The following SARDH variants were observed in gnomAD, a reference collection of about 807,000 sequenced individuals.
The protein encoded by SARDH is sarcosine dehydrogenase, mitochondrial.
A neutral mutation model predicts 109.1 loss-of-function variants in SARDH; 95 were observed. The observed-to-expected ratio is 0.87, with a 90% CI of 0.74 to 1.03. The LOEUF (loss-of-function observed/expected upper bound fraction) is 1.03. Ranked by LOEUF, SARDH falls within the 50% of genes least tolerant of loss-of-function variation. The pLI is 0.00. For synonymous variants in SARDH, 572 were observed against 534.8 expected (o/e 1.07, Z -0.96); for missense variants, 1,267 against 1,287.8 (o/e 0.98, Z 0.25).
At chr9:133,713,201 G>T in intron 8 of SARDH, 77 bp from the exon 9 acceptor site, 1 of 1,332,926 alleles carries the variant, frequency 7.5e-7, no homozygotes, top group Non-Finnish European at 1.1e-6. Context: ...CAAGAGAGCA[G>T]TGATCAGGCA....
chr9:133,688,682 C>T (rs1461169177), intron 16 of SARDH, among the ~76,000 whole-genome samples: 2 of 152,252 alleles, frequency 1.3e-5, no homozygotes, highest in South Asian at 2.1e-4. Flanking sequence ...AGCCTCAATG[C>T]GTGCCTCAGA....
chr9:133,661,353 C>G (rs894350310), downstream of SARDH, among the ~76,000 whole-genome samples: 3 of 149,900 alleles, frequency 2.0e-5, no homozygotes, highest in African/African-American at 7.5e-5. Flanking sequence ...AAAAAAACAA[C>G]AACAACAAAA....
At chr9:133,673,303 A>C (rs866565671) in intron 17 of SARDH, among the ~76,000 whole-genome samples, 2 of 152,168 alleles carry the variant, frequency 1.3e-5, no homozygotes, top group African/African-American at 4.8e-5. Flanking sequence ...AAACCGTTGA[A>C]CCCACTGACT....
chr9:133,726,347 A>G (rs1422442620), intron 6 of SARDH, among the ~76,000 whole-genome samples: 1 of 57,164 alleles, frequency 1.7e-5, no homozygotes, highest in Admixed American at 1.8e-4. Context: ...CAGCCTGGGA[A>G]ACAGAGTGAG....
chr9:133,677,568 T>C (rs148382480), intron 17 of SARDH, among the ~76,000 whole-genome samples: 155 of 152,316 alleles, frequency 1.0e-3, no homozygotes, highest in African/African-American at 3.6e-3. Flanking sequence ...TCTCCACCCA[T>C]GGAACTAATC....
In SARDH at chr9:133,705,787, G is replaced by A. The variant is rs560944205; in HGVS notation, c.1471-756C>T. 1.2e-4 allele frequency among the ~76,000 whole-genome samples: 19 copies of A among 152,308 alleles called. No individual in the cohort carries two copies. The South Asian group carries it at 1.9e-3, about 15-fold the overall frequency. On this transcript the variant is annotated intron_variant, in intron 11 of 20. Transcript: ENST00000439388. Reference sequence around the variant, plus strand: ...CGTATGTCAAAGCCCTGACCCTGACGTGACTCTATTTGGAGATGGGATCTT... The same window carrying A: ...CGTATGTCAAAGCCCTGACCCTGACATGACTCTATTTGGAGATGGGATCTT...
Position 133,690,312 on chromosome 9 carries a change from G to A in SARDH, c.2069+68C>T, listed in dbSNP as rs956662646. 3.8e-6 allele frequency: 6 copies of A among 1,566,706 alleles called. No homozygotes were observed. The East Asian group carries it at 1.1e-4, about 30-fold the overall frequency. The stretch of plus-strand genomic sequence containing the variant: ...ATTCTGGACAAGCTGTTCTGCCCAA[G>A]GGCCTGTTGGAGGACCTGGGTCCAG... On this transcript the variant is annotated intron_variant, in intron 16 of 20. Coordinates refer to ENST00000439388, the MANE Select transcript of SARDH (RefSeq NM_001134707.2).
At chr9:133,673,583 A>G (rs1588383658) in intron 17 of SARDH, among the ~76,000 whole-genome samples, 1 of 152,250 alleles carries the variant, frequency 6.6e-6, no homozygotes, top group East Asian at 1.9e-4. Flanking sequence ...AGCTTTGGAA[A>G]TAGCGCAAAT....
At position 133,670,603 on chromosome 9, in the gene SARDH, C is replaced by T. The variant is rs1460481465; in HGVS notation, c.2476G>A (p.Val826Met). 1.9e-6 allele frequency: 3 copies of T among 1,575,654 alleles called. No homozygotes were observed. Among genetic ancestry groups the T allele is most frequent in the Admixed American group, 1.8e-5 (1 of 54,560 alleles). ...ACTCACTCCTCCATGGTGAAGCACA[C>T]CAGGCGCCGGCGGAGGCCTGCGGCC... ...QRAAGLRRRL[V>M]CFTMEDKVPM... Residue 826 changes from valine (V) to methionine (M), a missense_variant, in exon 19 of 21, where the codon GTG becomes ATG. Physicochemically the swap from Val to Met is conservative, Grantham distance 21. Coordinates refer to ENST00000439388, the MANE Select transcript of SARDH (RefSeq NM_001134707.2).
chr9:133,666,647 G>T lies in SARDH; in HGVS notation c.2631+88C>A. On this transcript the variant is annotated intron_variant, in intron 20 of 20. Coordinates refer to ENST00000439388, the MANE Select transcript of SARDH (RefSeq NM_001134707.2). This position sits in a 1 kb window ranked among gnomAD's most constrained non-coding sequence, Gnocchi z 5.2. ...ACACCCGTGCCTCCTCCCTATGCCC[G>T]GCACACTCAGGGTGCAGTGCAGGGA... The T allele has an allele frequency of 6.6e-7, 1 of 1,509,058 alleles. No individual in the cohort carries two copies. The highest frequency in any genetic ancestry group is 9.0e-7 in the Non-Finnish European group (1 of 1,115,218). 93.5% of individuals were successfully genotyped at this position (1,509,058 alleles called of 1,614,324 possible). A position where few individuals can be genotyped will look rare whatever the true frequency, so the allele number is the denominator to read the frequency against.
chr9:133,708,324 A>C lies in SARDH; in HGVS notation c.1433T>G (p.Leu478Arg). The C allele has an allele frequency of 6.2e-7, 1 of 1,613,372 alleles. No individual in the cohort carries two copies. Among genetic ancestry groups the C allele is most frequent in the South Asian group, 1.1e-5 (1 of 91,076 alleles). Reference protein sequence around the residue: ...YSVVFPHDEPLAGRNMRRDPL... With the variant: ...YSVVFPHDEPRAGRNMRRDPL... ...GTCTCTCCTCATGTTGCGCCCGGCC[A>C]GCGGCTCATCGTGGGGGAAGACGAC... Residue 478 changes from leucine (L) to arginine (R), a missense_variant, in exon 11 of 21, where the codon CTG becomes CGG. Leu to Arg is a moderately radical substitution (Grantham distance 102). Coordinates refer to ENST00000439388, the MANE Select transcript of SARDH (RefSeq NM_001134707.2).
rs533409725 is a variant in SARDH at position 133,690,111 on chromosome 9, A to T, written c.2069+269T>A. Among the ~76,000 whole-genome samples, 14 of 152,246 alleles carry T rather than the reference A, an allele frequency of 9.2e-5. No individual in the cohort carries two copies. The South Asian group carries it at 2.9e-3, about 32-fold the overall frequency. On this transcript the variant is annotated intron_variant, in intron 16 of 20. Coordinates refer to ENST00000439388, the MANE Select transcript of SARDH (RefSeq NM_001134707.2). ...TGGTGGACGGTAATTCCTAGACTGC[A>T]CTGGTGACTCAGAGACTGCCCTCCC... is the stretch of plus-strand genomic sequence containing the variant.
intron 17 of SARDH, among the ~76,000 whole-genome samples, chr9:133,675,623 G>A (rs1446077025): frequency 6.6e-6 from 1 of 152,238 alleles, no homozygotes; most frequent in Non-Finnish European, 1.5e-5. Context: ...GGAAAACAGG[G>A]TGGCAGTTCT....
chr9:133,719,805 A>G (rs1252599479), intron 6 of SARDH, among the ~76,000 whole-genome samples: 2 of 151,924 alleles, frequency 1.3e-5, no homozygotes, highest in African/African-American at 4.8e-5. Context: ...ACTGCTGCTC[A>G]CTCTCTCCTA....
rs1170714804 is a variant in SARDH at position 133,709,037 on chromosome 9, TAC to T, written c.1329-611_1329-610del. Among the ~76,000 whole-genome samples, 1 of 151,998 alleles carries T rather than the reference TAC, an allele frequency of 6.6e-6. No homozygotes were observed. The highest frequency in any genetic ancestry group is 1.5e-5 in the Non-Finnish European group (1 of 67,992). ...TGGGTCAGACCAGGGACCCAAGAGG[TAC>T]AGAGTCTCTGGGGGAAAATCCCAGC... On this transcript the variant is annotated intron_variant, in intron 10 of 20. Transcript: ENST00000439388. This position sits in a 1 kb window ranked among gnomAD's most constrained non-coding sequence, Gnocchi z 4.2.
In SARDH at chr9:133,696,269, C is replaced by T; in HGVS notation, c.1761G>A (p.Arg587=). ...CGGAGAAGAGCCAGTCGGCAGCCTT[C>T]CTTGCATCCAGCCCCACCAGGTAGA... ...GKFYLVGLDA[R]KAADWLFSAD... Residue 587 remains arginine, a synonymous_variant, in exon 14 of 21, where the codon AGG becomes AGA. Transcript: ENST00000439388. The T allele has an allele frequency of 6.2e-7, 1 of 1,614,200 alleles. No homozygotes were observed. Among genetic ancestry groups the T allele is most frequent in the Non-Finnish European group, 8.5e-7 (1 of 1,180,044 alleles).
Position 133,685,078 on chromosome 9 carries a change from G to C in SARDH, c.2163+115C>G, listed in dbSNP as rs149347502. On this transcript the variant is annotated intron_variant, in intron 17 of 20. Transcript: ENST00000439388. ...TCCCCCCTTCACAGTTGGGGACCGA[G>C]GCCCAGGGAGGCAAAGGAACCTGCC... 421 of 808,886 alleles carry C rather than the reference G, an allele frequency of 5.2e-4. 3 individuals are homozygous for C. In the East Asian group the frequency reaches 8.0e-3, roughly 15 times the overall value. The allele number at this position is 808,886 out of a possible 1,614,324, so 50.1% of individuals were successfully genotyped here. A position where few individuals can be genotyped will look rare whatever the true frequency, so the allele number is the denominator to read the frequency against.
intron 13 of SARDH, 139 bp downstream of exon 13, chr9:133,702,777 C>G: frequency 2.9e-6 from 2 of 700,870 alleles, no homozygotes; most frequent in Non-Finnish European, 4.9e-6. Flanking sequence ...TGGAGTCAGC[C>G]GAAAAAAGCG....
Position 133,725,762 on chromosome 9 carries a change from A to G in SARDH, c.915+4003T>C, listed in dbSNP as rs533802340. ...GAGAGGAACCACTGATTTAACCAATAAACAAGCCAAACCAAACAAGACCGT... is the reference window on the plus strand; with the variant it reads ...GAGAGGAACCACTGATTTAACCAATGAACAAGCCAAACCAAACAAGACCGT... On this transcript the variant is annotated intron_variant, in intron 6 of 20. Transcript: ENST00000439388. The G allele has an allele frequency of 1.8e-3, 417 of 229,988 alleles. 1 individual carries two copies. Among genetic ancestry groups the G allele is most frequent in the Non-Finnish European group, 3.0e-3 (337 of 112,784 alleles). The allele number at this position is 229,988 out of a possible 1,614,324, so 14.2% of individuals were successfully genotyped here. A position where few individuals can be genotyped will look rare whatever the true frequency, so the allele number is the denominator to read the frequency against.
Sources: allele counts gnomAD v4.1 joint callset (sites outside exome capture counted in the v4.1 genomes callset), GRCh38; gene constraint gnomAD v4.1.1; non-coding constraint Gnocchi (gnomAD v3.1); transcripts MANE v1.5; gene names NCBI Gene and HGNC (gene_info 2026-07-23, HGNC 2026-07-21).